Variants in TRPM3 observed in about 807,000 individuals in gnomAD.
TRPM3 encodes the protein long transient receptor potential channel 3.
A neutral mutation model predicts 181.2 loss-of-function variants in TRPM3; 77 were observed. The observed-to-expected ratio is 0.42, with a 90% CI of 0.35 to 0.51. The LOEUF (loss-of-function observed/expected upper bound fraction) is 0.51. Ranked by LOEUF, TRPM3 falls within the 20% of genes least tolerant of loss-of-function variation. The pLI, the probability that TRPM3 is intolerant of heterozygous loss-of-function variation, is 0.01. For synonymous variants in TRPM3, 745 were observed against 796.4 expected (o/e 0.94, Z 1.09); for missense variants, 1,759 against 2,196.7 (o/e 0.80, Z 3.98).
At chr9:70,890,910 C>G (rs207470237) in intron 1 of TRPM3, among the ~76,000 whole-genome samples, 1 of 151,666 alleles carries the variant, frequency 6.6e-6, no homozygotes, top group Admixed American at 6.6e-5. Context: ...AACAGCCACT[C>G]AAGGCTGGAG....
At position 71,241,637 on chromosome 9, in the gene TRPM3, A is replaced by G. The variant is rs957093823; in HGVS notation, c.183+205016T>C. Among the ~76,000 whole-genome samples the G allele has an allele frequency of 5.9e-5, 9 of 152,288 alleles. No homozygotes were observed. In the East Asian group the frequency reaches 9.6e-4, roughly 16 times the overall value. On this transcript the variant is annotated intron_variant, in intron 1 of 24. Coordinates refer to the TRPM3 transcript ENST00000357533. The stretch of plus-strand genomic sequence containing the variant: ...GTTGTGCACATGTACCCTAAAACTT[A>G]AAGTATAATTTAAAAAAAAATTCTG...
At chr9:70,667,827 C>G (rs1217987969) in intron 9 of TRPM3, among the ~76,000 whole-genome samples, 1 of 152,192 alleles carries the variant, frequency 6.6e-6, no homozygotes, top group Non-Finnish European at 1.5e-5. Context: ...AGAAATGCCA[C>G]ACATCACTTC....
chr9:71,188,361 T>C (rs1334938290), intron 1 of TRPM3, among the ~76,000 whole-genome samples: 1 of 151,810 alleles, frequency 6.6e-6, no homozygotes, highest in Non-Finnish European at 1.5e-5. Context: ...ATTGGCCTAA[T>C]AACAGTGCCC....
At chr9:70,750,953 C>T (rs2076029515) in intron 8 of TRPM3, among the ~76,000 whole-genome samples, 1 of 149,388 alleles carries the variant, frequency 6.7e-6, no homozygotes, top group African/African-American at 2.5e-5. Flanking sequence ...GTTGGTGAAG[C>T]CAACAGGAGA....
chr9:70,847,142 A>G (rs1274978328), intron 3 of TRPM3, among the ~76,000 whole-genome samples: 1 of 152,200 alleles, frequency 6.6e-6, no homozygotes, highest in Non-Finnish European at 1.5e-5. Context: ...AAGACAAGTA[A>G]CAAAAGGCAG....
chr9:71,242,567 T>C (rs536220352), intron 1 of TRPM3, among the ~76,000 whole-genome samples: 1 of 152,342 alleles, frequency 6.6e-6, no homozygotes, highest in East Asian at 1.9e-4. Flanking sequence ...GATGTCTATT[T>C]ACTACTATCA....
chr9:71,220,170 C>G (rs1327215028), intron 1 of TRPM3, among the ~76,000 whole-genome samples: 1 of 152,116 alleles, frequency 6.6e-6, no homozygotes, highest in East Asian at 1.9e-4. Flanking sequence ...TAACTGGACT[C>G]AAAAGAGTCA....
chr9:71,021,299 A>T (rs548791761), intron 1 of TRPM3, among the ~76,000 whole-genome samples: 1 of 151,988 alleles, frequency 6.6e-6, no homozygotes, highest in South Asian at 2.1e-4. Flanking sequence ...GTGAAAACTT[A>T]TTAAGCTATG....
rs966731600 is a variant in TRPM3, at chr9:71,277,926, A to T, written c.183+168727T>A. 2.6e-5 allele frequency among the ~76,000 whole-genome samples: 4 copies of T among 152,320 alleles called. No individual in the cohort carries two copies. In the South Asian group the frequency reaches 6.2e-4, roughly 24 times the overall value. ...AAGCAGGAGGTTATTTTTTAAAAAC[A>T]TAAAAAGAAAAATGAAATACAAAGG... On this transcript the variant is annotated intron_variant, in intron 1 of 24. Transcript: ENST00000357533.
chr9:71,169,025 A>C (rs2076703337), intron 1 of TRPM3, among the ~76,000 whole-genome samples: 1 of 152,168 alleles, frequency 6.6e-6, no homozygotes. Flanking sequence ...GATGAAGGGC[A>C]GGTTGTATCA....
intron 22 of TRPM3, among the ~76,000 whole-genome samples, chr9:70,574,016 C>T (rs1255976238): frequency 4.1e-5 from 5 of 121,450 alleles, no homozygotes; most frequent in African/African-American, 1.3e-4. Flanking sequence ...ACACACACTA[C>T]CAACACCACC....
intron 1 of TRPM3, among the ~76,000 whole-genome samples, chr9:71,440,809 T>C (rs866847987): frequency 6.6e-6 from 1 of 152,146 alleles, no homozygotes; most frequent in Non-Finnish European, 1.5e-5. Flanking sequence ...CCAGCCCTCG[T>C]TTGGCTTTGC....
chr9:70,925,530 G>GA (rs1564776344), intron 1 of TRPM3, among the ~76,000 whole-genome samples: 1 of 150,110 alleles, frequency 6.7e-6, no homozygotes, highest in African/African-American at 2.5e-5. Flanking sequence ...GGTAGAATAT[G>GA]GAAAAAAATA....
chr9:71,412,599 C>T (rs1360061784), intron 1 of TRPM3, among the ~76,000 whole-genome samples: 1 of 152,122 alleles, frequency 6.6e-6, no homozygotes, highest in Non-Finnish European at 1.5e-5. Context: ...CAGGAAACAA[C>T]AGGTGCTGGA....
chr9:71,367,787 T>C (rs1039287572), intron 1 of TRPM3, among the ~76,000 whole-genome samples: 1 of 152,174 alleles, frequency 6.6e-6, no homozygotes, highest in Admixed American at 6.5e-5. Flanking sequence ...AGAATTTCCA[T>C]GGGAAATTTA....
chr9:70,753,447 G>A (rs952146677), intron 8 of TRPM3, among the ~76,000 whole-genome samples: 1 of 152,090 alleles, frequency 6.6e-6, no homozygotes, highest in African/African-American at 2.4e-5. Flanking sequence ...AGGATTGGCT[G>A]GTGTTATTGA....
intron 8 of TRPM3, among the ~76,000 whole-genome samples, chr9:70,751,761 G>A (rs1250876279): frequency 6.6e-6 from 1 of 152,102 alleles, no homozygotes; most frequent in Non-Finnish European, 1.5e-5. Flanking sequence ...GAAATGCAAA[G>A]TGATGGGATG....
intron 22 of TRPM3, among the ~76,000 whole-genome samples, chr9:70,558,018 A>C (rs1238121073): frequency 2.0e-5 from 3 of 152,224 alleles, no homozygotes; most frequent in Non-Finnish European, 4.4e-5. Context: ...AAGGTTAATC[A>C]GTGTATTTTA....
At chr9:71,369,674 G>A (rs2092450225) in intron 1 of TRPM3, among the ~76,000 whole-genome samples, 2 of 152,192 alleles carry the variant, frequency 1.3e-5, no homozygotes, top group South Asian at 4.1e-4. Context: ...GAGACACCGC[G>A]CCCGGCCGGG....
Sources: allele counts gnomAD v4.1 joint callset (sites outside exome capture counted in the v4.1 genomes callset), GRCh38; gene constraint gnomAD v4.1.1; transcripts MANE v1.5; gene names NCBI Gene and HGNC (gene_info 2026-07-23, HGNC 2026-07-21).